The following KBTBD3 variants were observed in gnomAD, a reference collection of about 807,000 sequenced individuals.
The protein encoded by KBTBD3 is kelch repeat and BTB domain containing 3, also known as kelch repeat and BTB domain-containing protein 3.
Under a neutral mutation model 49.6 loss-of-function variants are expected in KBTBD3, and 38 were observed. The ratio of observed to expected loss-of-function variants is 0.77; its 90% CI spans 0.59 to 1.00. The LOEUF is 1.00. Among genes scored for constraint, KBTBD3 ranks in the 50% least tolerant of loss-of-function variants. The pLI is 0.00. For synonymous variants in KBTBD3, 214 were observed against 250.4 expected (o/e 0.85, Z 1.37); for missense variants, 661 against 712.0 (o/e 0.93, Z 0.81).
rs1274219224 is a variant in KBTBD3 at position 106,051,680 on chromosome 11, A to G, written c.*1170T>C. The G allele has an allele frequency of 6.6e-6, 1 of 151,902 alleles. No individual in the cohort carries two copies. The highest frequency in any genetic ancestry group is 1.5e-5 in the Non-Finnish European group (1 of 67,836). 9.4% of individuals were successfully genotyped at this position (151,902 alleles called of 1,614,324 possible). A position where few individuals can be genotyped will look rare whatever the true frequency, so the allele number is the denominator to read the frequency against. Reference sequence around the variant, plus strand: ...ATACTCTTGGAAGGCAGAATCACCTACCTGAGAACAATGACAACAGTACCC... The same window carrying G: ...ATACTCTTGGAAGGCAGAATCACCTGCCTGAGAACAATGACAACAGTACCC... On this transcript the variant is annotated 3_prime_UTR_variant, in exon 4 of 4. Coordinates refer to ENST00000531837, the MANE Select transcript of KBTBD3 (RefSeq NM_198439.3).
rs1233643915 is a variant in KBTBD3, at chr11:106,054,287, A to G, written c.402T>C (p.Val134=). 1 of 1,613,134 alleles carries G rather than the reference A, an allele frequency of 6.2e-7. No homozygotes were observed. Among genetic ancestry groups the G allele is most frequent in the Non-Finnish European group, 8.5e-7 (1 of 1,179,622 alleles). ...CACTGCAAGCTTTGGATAGGAAGGA[A>G]ACTTGAAGAAATGATGACAACTGGA... ...MFFQLSSFLQ[V]SFLSKACSDF... The change falls in exon 4 of 4, where the codon GTT becomes GTC. Residue 134 remains valine (V), a synonymous_variant. Coordinates refer to ENST00000531837, the MANE Select transcript of KBTBD3 (RefSeq NM_198439.3).
chr11:106,077,284 C>T, intron 1 of KBTBD3, 28 bp downstream of exon 1: 1 of 186,468 alleles, frequency 5.4e-6, no homozygotes, highest in South Asian at 8.0e-5. Flanking sequence ...CCATCCCACT[C>T]CTCCCTCAGA....
chr11:106,058,742 G>GTT (rs534533044), intron 3 of KBTBD3, 123 bp downstream of exon 3: 357 of 541,644 alleles, frequency 6.6e-4, no homozygotes, highest in Non-Finnish European at 8.0e-4. Flanking sequence ...TTTTGTTTTT[G>GTT]TTTTTTTTTT....
At chr11:106,057,336 C>T (rs960163588) in intron 3 of KBTBD3, 11 of 152,054 alleles carry the variant, frequency 7.2e-5, no homozygotes, top group African/African-American at 2.7e-4. Flanking sequence ...ATATCTTAAA[C>T]CTTATTTTTT....
chr11:106,069,814 A>G (rs1165681174), intron 2 of KBTBD3, among the ~76,000 whole-genome samples: 1 of 152,002 alleles, frequency 6.6e-6, no homozygotes, highest in African/African-American at 2.4e-5. Context: ...AATACAACCA[A>G]AAAGAATAAT....
chr11:106,070,013 G>T (rs1479910528), intron 2 of KBTBD3, among the ~76,000 whole-genome samples: 1 of 151,944 alleles, frequency 6.6e-6, no homozygotes, highest in African/African-American at 2.4e-5. Context: ...GGAAGAAAAA[G>T]AATCTTTTTT....
chr11:106,055,522 T>C (rs946706419), intron 3 of KBTBD3, among the ~76,000 whole-genome samples: 2 of 152,196 alleles, frequency 1.3e-5, no homozygotes, highest in Non-Finnish European at 2.9e-5. Context: ...TAGTAATGTA[T>C]ATCAATAGAA....
chr11:106,059,698 A>G (rs556487771), intron 2 of KBTBD3, among the ~76,000 whole-genome samples: 1 of 152,232 alleles, frequency 6.6e-6, no homozygotes, highest in Non-Finnish European at 1.5e-5. Context: ...AGAAAGGAAA[A>G]TCACATATAT....
chr11:106,073,955 G>A (rs1251268888), intron 2 of KBTBD3, among the ~76,000 whole-genome samples: 1 of 152,144 alleles, frequency 6.6e-6, no homozygotes, highest in African/African-American at 2.4e-5. Flanking sequence ...AAGGAGGTAA[G>A]AGAAGTAGGG....
At chr11:106,066,907 A>G (rs1200305337) in intron 2 of KBTBD3, among the ~76,000 whole-genome samples, 1 of 151,602 alleles carries the variant, frequency 6.6e-6, no homozygotes. Flanking sequence ...GAAGACAAAT[A>G]AATGAAGATG....
At position 106,053,161 on chromosome 11, in the gene KBTBD3, T is replaced by C; in HGVS notation, c.1528A>G (p.Thr510Ala). 1 of 1,613,650 alleles carries C rather than the reference T, an allele frequency of 6.2e-7. No individual in the cohort carries two copies. Among genetic ancestry groups the C allele is most frequent in the Non-Finnish European group, 8.5e-7 (1 of 1,179,796 alleles). Residue 510 changes from threonine to alanine, a missense_variant, in exon 4 of 4, where the codon ACA becomes GCA. Thr to Ala is a moderately conservative substitution (Grantham distance 58). Coordinates refer to ENST00000531837, the MANE Select transcript of KBTBD3 (RefSeq NM_198439.3). ...GTGGAAAGGTCACATATATACAGTG[T>C]ACAGTTTACTGGTACAGCTTTAATT... ...TLIKAVPVNCTLYICDLSTYK... is the reference protein window; with the variant it reads ...TLIKAVPVNCALYICDLSTYK...
intron 2 of KBTBD3, among the ~76,000 whole-genome samples, chr11:106,069,756 G>A (rs546636678): frequency 1.3e-5 from 2 of 152,028 alleles, no homozygotes; most frequent in East Asian, 3.9e-4. Flanking sequence ...ATATACAGAT[G>A]AGATTACTGT....
chr11:106,055,951 T>A (rs1300564492), intron 3 of KBTBD3, among the ~76,000 whole-genome samples: 1 of 152,224 alleles, frequency 6.6e-6, no homozygotes. Context: ...GAGTATCCAG[T>A]TAACATCTAT....
intron 2 of KBTBD3, among the ~76,000 whole-genome samples, chr11:106,073,949 A>G (rs1340452673): frequency 6.6e-6 from 1 of 152,214 alleles, no homozygotes; most frequent in East Asian, 1.9e-4. Flanking sequence ...AATTGAAAGG[A>G]GGTAAGAGAA....
At chr11:106,074,329 C>A (rs1860988707) in intron 2 of KBTBD3, among the ~76,000 whole-genome samples, 1 of 152,194 alleles carries the variant, frequency 6.6e-6, no homozygotes. Flanking sequence ...TCTGTGGTAG[C>A]ATCACCTCCA....
chr11:106,058,772 TGCA>T (rs1860617229), intron 3 of KBTBD3, 90 bp downstream of exon 3: 1 of 730,866 alleles, frequency 1.4e-6, no homozygotes, highest in Non-Finnish European at 2.3e-6. Context: ...AAATTACTGT[TGCA>T]TGTTCTTGTG....
In KBTBD3 at chr11:106,059,101, T is replaced by C. The variant is rs373025171; in HGVS notation, c.-4A>G. ...AATTATCCATAGCCAATTCCATATG[T>C]CCTTAGAACTAGAATAAAAACAAAA... On this transcript the variant is annotated 5_prime_UTR_variant, in exon 3 of 4. Transcript: ENST00000531837. 4.6e-6 allele frequency: 7 copies of C among 1,518,282 alleles called. No individual in the cohort carries two copies. In the African/African-American group the frequency reaches 1.0e-4, roughly 22 times the overall value. The allele number at this position is 1,518,282 out of a possible 1,614,324, so 94.1% of individuals were successfully genotyped here.
At chr11:106,072,277 C>A (rs2135023810) in intron 2 of KBTBD3, among the ~76,000 whole-genome samples, 1 of 152,240 alleles carries the variant, frequency 6.6e-6, no homozygotes, top group South Asian at 2.1e-4. Context: ...TGAAAAGACA[C>A]TTTGAATGTT....
intron 2 of KBTBD3, 118 bp from the exon 3 acceptor site, chr11:106,059,227 G>T: frequency 1.7e-6 from 1 of 575,226 alleles, no homozygotes; most frequent in Non-Finnish European, 3.0e-6. Context: ...TAATAAGACA[G>T]TAAAACTTGT....
Sources: gnomAD v4.1 joint callset for allele counts (sites outside exome capture counted in the v4.1 genomes callset) on GRCh38, gnomAD v4.1.1 for gene constraint, MANE v1.5 for transcripts, NCBI Gene and HGNC (gene_info 2026-07-23, HGNC 2026-07-21) for gene names.